The following TRPM1 variants were observed in gnomAD, a reference collection of about 807,000 sequenced individuals.
The protein encoded by TRPM1 is TRPM1-203 APA Isoform, Intron 10.
In TRPM1, 113 loss-of-function variants were observed where a neutral mutation model predicts 149.4. The observed-to-expected ratio is 0.76, with a 90% CI of 0.65 to 0.88. TRPM1 has a LOEUF of 0.88. Among genes scored for constraint, TRPM1 ranks in the 40% least tolerant of loss-of-function variants. The pLI is 0.00. For missense variants in TRPM1, 1,976 were observed against 2,038.7 expected (o/e 0.97, Z 0.59); for synonymous variants, 741 against 759.5 (o/e 0.98, Z 0.40).
At chr15:31,100,094 T>C (rs1395702179) in intron 1 of TRPM1, among the ~76,000 whole-genome samples, 2 of 151,904 alleles carry the variant, frequency 1.3e-5, no homozygotes, top group Admixed American at 1.3e-4. Context: ...TTCTTTTTTT[T>C]TTTTTGATGG....
At chr15:31,102,946 A>C (rs1203500164), upstream of TRPM1, among the ~76,000 whole-genome samples, 1 of 152,174 alleles carries the variant, frequency 6.6e-6, no homozygotes, top group East Asian at 1.9e-4. Flanking sequence ...TCACGGCTTC[A>C]GCGGGAACCC....
intron 27 of TRPM1, among the ~76,000 whole-genome samples, chr15:31,003,443 G>A (rs1566982973): frequency 2.6e-5 from 4 of 152,122 alleles, no homozygotes; most frequent in East Asian, 1.9e-4. Flanking sequence ...GTCATGGAGC[G>A]TATAAGTAAT....
In TRPM1 at chr15:31,061,429, C is replaced by T. The variant is rs2034228553; in HGVS notation, c.1162+13G>A. The T allele has an allele frequency of 1.2e-6, 2 of 1,613,832 alleles. No individual in the cohort carries two copies. On this transcript the variant is annotated intron_variant, in intron 10 of 27. Transcript: ENST00000256552. ...ATCAGAGGGACAGGAGTCACCATTT[C>T]CTGAGAGCTCACCTTTCAGCAGGGC...
chr15:31,117,771 G>C (rs2035821810), intron 1 of TRPM1, among the ~76,000 whole-genome samples: 1 of 151,496 alleles, frequency 6.6e-6, no homozygotes, highest in African/African-American at 2.4e-5. Flanking sequence ...GAAACTCTAA[G>C]ACATAATCAA....
Position 31,067,001 on chromosome 15 carries a change from G to T in TRPM1, c.618+62C>A, listed in dbSNP as rs1400616826. 3.7e-6 allele frequency: 6 copies of T among 1,601,242 alleles called. No individual in the cohort carries two copies. The Admixed American group carries it at 6.7e-5, about 18-fold the overall frequency. ...TCTTACAACTGCATCTGAATCAACGGTTACCTCAAAATCAATCATTAATTT... is the reference window on the plus strand; with the variant it reads ...TCTTACAACTGCATCTGAATCAACGTTTACCTCAAAATCAATCATTAATTT... On this transcript the variant is annotated intron_variant, in intron 6 of 27. Transcript: ENST00000256552.
intron 27 of TRPM1, among the ~76,000 whole-genome samples, chr15:31,017,617 T>C (rs937472910): frequency 1.3e-5 from 2 of 152,362 alleles, no homozygotes; most frequent in Admixed American, 6.5e-5. Context: ...CTGTGAACTG[T>C]AAATGCTACA....
chr15:31,158,151 T>C (rs1433899069), intron 1 of TRPM1, among the ~76,000 whole-genome samples: 2 of 152,186 alleles, frequency 1.3e-5, no homozygotes, highest in African/African-American at 2.4e-5. Context: ...CTTTTATAAA[T>C]AGGCCTTAGG....
At chr15:31,128,501 C>T (rs1383787306) in intron 1 of TRPM1, among the ~76,000 whole-genome samples, 1 of 152,232 alleles carries the variant, frequency 6.6e-6, no homozygotes, top group Non-Finnish European at 1.5e-5. Flanking sequence ...GGGTGCCCAA[C>T]ACCACCCCCA....
At chr15:31,036,024 C>G in intron 20 of TRPM1, 3 of 352,344 alleles carry the variant, frequency 8.5e-6, no homozygotes, top group South Asian at 7.3e-5. Flanking sequence ...TTCCTGGAAA[C>G]TGGAAAATGT....
intron 1 of TRPM1, among the ~76,000 whole-genome samples, chr15:31,149,810 C>T (rs908271850): frequency 6.6e-6 from 1 of 152,228 alleles, no homozygotes; most frequent in Non-Finnish European, 1.5e-5. Context: ...TGAGCCACGG[C>T]GCCAGGCCGT....
intron 1 of TRPM1, among the ~76,000 whole-genome samples, chr15:31,159,627 G>A (rs2036420937): frequency 1.3e-5 from 2 of 152,162 alleles, no homozygotes. Flanking sequence ...TTTTGGAATG[G>A]AGGCGAGCTT....
intron 1 of TRPM1, among the ~76,000 whole-genome samples, chr15:31,131,099 G>A (rs748023097): frequency 3.9e-5 from 6 of 152,132 alleles, no homozygotes; most frequent in Admixed American, 6.5e-5. Flanking sequence ...CTCCAGAAAC[G>A]GACAATTCAT....
At chr15:31,030,575 G>A (rs1027320940) in intron 23 of TRPM1, among the ~76,000 whole-genome samples, 9 of 152,154 alleles carry the variant, frequency 5.9e-5, no homozygotes, top group Admixed American at 5.2e-4. Flanking sequence ...GTGGAAAATG[G>A]GCTCTGATGG....
chr15:31,147,614 A>G (rs893673825), intron 1 of TRPM1, among the ~76,000 whole-genome samples: 26 of 152,222 alleles, frequency 1.7e-4, no homozygotes, highest in African/African-American at 4.8e-4. Context: ...TTGCTCTCAG[A>G]TTAGCTGCTC....
intron 27 of TRPM1, among the ~76,000 whole-genome samples, chr15:31,016,975 AC>A: frequency 7.5e-6 from 1 of 133,674 alleles, no homozygotes; most frequent in South Asian, 2.4e-4. Context: ...ACACACACAC[AC>A]ACACACACAC....
At chr15:31,118,318 C>A (rs930055071) in intron 1 of TRPM1, among the ~76,000 whole-genome samples, 1 of 151,562 alleles carries the variant, frequency 6.6e-6, no homozygotes, top group Non-Finnish European at 1.5e-5. Context: ...ATATAAATAC[C>A]AGAGGGAGAA....
chr15:31,115,156 G>A (rs984490643), intron 1 of TRPM1, among the ~76,000 whole-genome samples: 2 of 152,172 alleles, frequency 1.3e-5, no homozygotes, highest in Admixed American at 6.5e-5. Context: ...TACTCAGGAG[G>A]CTGAGGCAGA....
chr15:31,049,280 A>G (rs1055190941), intron 13 of TRPM1, 95 bp downstream of exon 13: 1 of 1,572,084 alleles, frequency 6.4e-7, no homozygotes, highest in Non-Finnish European at 8.7e-7. Flanking sequence ...CAGCTGAAGG[A>G]GGTCAGATGA....
chr15:31,049,213 C>T (rs1252094984), intron 13 of TRPM1, among the ~76,000 whole-genome samples, 162 bp downstream of exon 13: 2 of 152,118 alleles, frequency 1.3e-5, no homozygotes, highest in Admixed American at 6.5e-5. Flanking sequence ...AATATGAACA[C>T]AGGCTGTGGC....
Sources: gnomAD v4.1 joint callset for allele counts (sites outside exome capture counted in the v4.1 genomes callset) on GRCh38, gnomAD v4.1.1 for gene constraint, MANE v1.5 for transcripts, NCBI Gene and HGNC (gene_info 2026-07-23, HGNC 2026-07-21) for gene names.